The following GNB4 variants were observed in gnomAD, a reference collection of about 807,000 sequenced individuals.
The protein encoded by GNB4 is guanine nucleotide-binding protein subunit beta-4.
In GNB4, 28 loss-of-function variants were observed where a neutral mutation model predicts 45.2. The observed-to-expected ratio is 0.62, with a 90% confidence interval of 0.46 to 0.85. GNB4 has a LOEUF of 0.85. GNB4 is among the 40% of genes least tolerant of loss of function. GNB4 has a pLI of 0.00. For missense variants in GNB4, 321 were observed against 425.4 expected, an observed-to-expected ratio of 0.75 and a Z score of 2.16; for synonymous variants, 132 against 143.7, an observed-to-expected ratio of 0.92 and a Z score of 0.58.
At chr3:179,484,313 C>T in the GNB4 span, among the ~76,000 whole-genome samples, 1 of 152,180 alleles carries the variant, frequency 6.6e-6, no homozygotes. Flanking sequence ...TCTGTTCCTC[C>T]AGATAAAAAT....
chr3:179,403,303 GA>G lies in GNB4; in HGVS notation c.916+1886del, dbSNP rs144857646. Among the ~76,000 whole-genome samples the G allele has an allele frequency of 8.7e-3, 1,224 of 140,330 alleles. 17 individuals carry two copies. The highest frequency in any genetic ancestry group is 0.028 in the African/African-American group (1,067 of 38,514). 92.1% of individuals were successfully genotyped at this position (140,330 alleles called of 152,430 possible). A position where few individuals can be genotyped will look rare whatever the true frequency, so the allele number is the denominator to read the frequency against. ...AAAGACAGGAAACCCCAAAAATGAAGAAAAAAAAAACTTGGAAACACAAAAG... is the reference window on the plus strand; with the variant it reads ...AAAGACAGGAAACCCCAAAAATGAAGAAAAAAAAACTTGGAAACACAAAAG... On this transcript the variant is annotated intron_variant, in intron 9 of 9. Transcript: ENST00000232564.
At chr3:179,442,016 A>G (rs1387692842) in intron 1 of GNB4, among the ~76,000 whole-genome samples, 1 of 152,140 alleles carries the variant, frequency 6.6e-6, no homozygotes, top group Non-Finnish European at 1.5e-5. Flanking sequence ...CATGTTGGTC[A>G]GGCTGATCTC....
rs909414337 is a variant in GNB4 at position 179,412,851 on chromosome 3, GA to G, written c.699+560del. 6.3e-3 allele frequency among the ~76,000 whole-genome samples: 786 copies of G among 125,238 alleles called. 2 individuals are homozygous for G. Among genetic ancestry groups the G allele is most frequent in the African/African-American group, 7.4e-3 (250 of 33,628 alleles). 82.2% of individuals were successfully genotyped at this position (125,238 alleles called of 152,430 possible). On this transcript the variant is annotated intron_variant, in intron 8 of 9. Coordinates refer to ENST00000232564, the MANE Select transcript of GNB4 (RefSeq NM_021629.4). ...TACTCATGATAATCCCTCCACTTTG[GA>G]AAAAAAAAAAAAAAGTGATATTCAC...
the GNB4 span, among the ~76,000 whole-genome samples, chr3:179,461,273 G>A: frequency 5.3e-5 from 8 of 151,992 alleles, no homozygotes; most frequent in Non-Finnish European, 7.4e-5. Flanking sequence ...AGAGGCAGGC[G>A]GATCACGAGG....
At chr3:179,512,862 A>C in the GNB4 span, among the ~76,000 whole-genome samples, 6 of 152,160 alleles carry the variant, frequency 3.9e-5, no homozygotes, top group African/African-American at 1.4e-4. Flanking sequence ...GGTATCTATA[A>C]AAGCCTGAAA....
At chr3:179,465,955 G>A in the GNB4 span, among the ~76,000 whole-genome samples, 8 of 145,308 alleles carry the variant, frequency 5.5e-5, no homozygotes, top group Admixed American at 6.9e-5. Flanking sequence ...GGCCACCCAC[G>A]CCCAAACAGA....
the GNB4 span, among the ~76,000 whole-genome samples, chr3:179,491,163 C>T: frequency 8.5e-5 from 13 of 152,128 alleles, no homozygotes; most frequent in East Asian, 5.8e-4. Context: ...TAAGGAAGAA[C>T]GAAAGGGACA....
the GNB4 span, among the ~76,000 whole-genome samples, chr3:179,465,813 TC>T: frequency 7.4e-6 from 1 of 135,970 alleles, no homozygotes; most frequent in African/African-American, 3.0e-5. Context: ...TTCTTCTTCT[TC>T]TTCTTCTTCT....
intron 9 of GNB4, among the ~76,000 whole-genome samples, chr3:179,403,797 C>CAA (rs541714857): frequency 3.1e-5 from 3 of 96,258 alleles, no homozygotes; most frequent in East Asian, 2.5e-4. Flanking sequence ...GACTCCGTCT[C>CAA]AAAAAAATAA....
intron 1 of GNB4, among the ~76,000 whole-genome samples, chr3:179,436,309 G>T (rs1559979816): frequency 6.6e-6 from 1 of 152,292 alleles, no homozygotes; most frequent in East Asian, 1.9e-4. Flanking sequence ...AGAATCGCTT[G>T]AATCCAGGAG....
At chr3:179,468,035 A>AAAAAAAAATATATATATAT in the GNB4 span, among the ~76,000 whole-genome samples, 72 of 89,856 alleles carry the variant, frequency 8.0e-4, 3 homozygotes, top group African/African-American at 2.2e-3. Context: ...TGTTGATAAA[A>AAAAAAAAATATATATATAT]ATATATATAT....
the GNB4 span, among the ~76,000 whole-genome samples, chr3:179,499,602 T>C: frequency 1.3e-5 from 2 of 152,264 alleles, no homozygotes; most frequent in African/African-American, 4.8e-5. Context: ...TTTGGGTATA[T>C]ACCCAGTAAT....
At chr3:179,431,185 A>G (rs1337738492) in intron 1 of GNB4, among the ~76,000 whole-genome samples, 1 of 152,164 alleles carries the variant, frequency 6.6e-6, no homozygotes, top group Non-Finnish European at 1.5e-5. Flanking sequence ...ACATTTAGCT[A>G]TGTCTCTTGT....
the GNB4 span, among the ~76,000 whole-genome samples, chr3:179,474,737 C>CTTTTTTTTTTTTTTTTT: frequency 2.4e-3 from 146 of 59,728 alleles, 2 homozygotes; most frequent in South Asian, 3.5e-3. Context: ...AGACTGGGTC[C>CTTTTTTTTTTTTTTTTT]TTTTTTTTTT....
chr3:179,483,869 T>G, the GNB4 span, among the ~76,000 whole-genome samples: 1 of 152,214 alleles, frequency 6.6e-6, no homozygotes, highest in African/African-American at 2.4e-5. Flanking sequence ...ATATGTTAAT[T>G]AATTAAAGTC....
chr3:179,401,221 A>G lies in GNB4; in HGVS notation c.1015T>C (p.Trp339Arg). 6.2e-7 allele frequency: 1 copy of G among 1,610,238 alleles called. No individual in the cohort carries two copies. The highest frequency in any genetic ancestry group is 8.5e-7 in the Non-Finnish European group (1 of 1,176,814). The change falls in exon 10 of 10, where the codon TGG becomes CGG. Residue 339 changes from tryptophan (W) to arginine (R), a missense_variant. By Grantham distance (101) the Trp-to-Arg change is moderately radical (BLOSUM62 -3). Coordinates refer to ENST00000232564, the MANE Select transcript of GNB4 (RefSeq NM_021629.4). Reference sequence around the variant, plus strand: ...AAATATGTATGACACTGTTAATTCCAGATTCTAAGAAAACTGTCCCAAGAG... The same window carrying G: ...AAATATGTATGACACTGTTAATTCCGGATTCTAAGAAAACTGTCCCAAGAG... ...TGSWDSFLRI[W>R]N
chr3:179,468,035 A>AAAAATATATATATATATATAT, the GNB4 span, among the ~76,000 whole-genome samples: 15 of 89,854 alleles, frequency 1.7e-4, no homozygotes, highest in African/African-American at 4.8e-4. Context: ...TGTTGATAAA[A>AAAAATATATATATATATATAT]ATATATATAT....
chr3:179,464,573 C>T, the GNB4 span: 5 of 1,514,916 alleles, frequency 3.3e-6, no homozygotes, highest in Admixed American at 3.3e-5. Flanking sequence ...TCCTGGTTGG[C>T]GAGAGTTCTG....
intron 8 of GNB4, among the ~76,000 whole-genome samples, chr3:179,410,867 A>C (rs979000324): frequency 6.6e-5 from 10 of 152,226 alleles, no homozygotes; most frequent in African/African-American, 2.4e-4. Flanking sequence ...AATTGAGAGT[A>C]TAATAAATAG....
Sources: allele counts gnomAD v4.1 joint callset (sites outside exome capture counted in the v4.1 genomes callset), GRCh38; gene constraint gnomAD v4.1.1; transcripts MANE v1.5; gene names NCBI Gene and HGNC (gene_info 2026-07-23, HGNC 2026-07-21).